C6: variants seen among roughly 807,000 people sequenced by gnomAD.
The protein encoded by C6 is complement component C6.
C6 carries 101 observed loss-of-function variants against 112.9 expected under a neutral mutation model. The ratio of observed to expected loss-of-function variants is 0.89; its 90% CI spans 0.76 to 1.06. The LOEUF is 1.06. Ranked by LOEUF, C6 falls within the 50% of genes least tolerant of loss-of-function variation. C6 has a pLI of 0.00. For missense variants in C6, 1,202 were observed against 1,104.6 expected, an observed-to-expected ratio of 1.09 and a Z score of -1.25; for synonymous variants, 431 against 384.1, an observed-to-expected ratio of 1.12 and a Z score of -1.43.
At chr5:41,204,900 A>C (rs1032472994) in intron 1 of C6, among the ~76,000 whole-genome samples, 2 of 151,838 alleles carry the variant, frequency 1.3e-5, no homozygotes, top group African/African-American at 4.8e-5. Flanking sequence ...CGATCTCCTG[A>C]CCTCGTGATC....
intron 8 of C6, among the ~76,000 whole-genome samples, chr5:41,176,165 A>G (rs997764197): frequency 1.3e-5 from 2 of 152,224 alleles, no homozygotes; most frequent in Non-Finnish European, 2.9e-5. Context: ...ATTGGCATGC[A>G]TCTTCCTCTT....
intron 5 of C6, among the ~76,000 whole-genome samples, chr5:41,191,124 T>C (rs1750170976): frequency 7.5e-6 from 1 of 133,374 alleles, no homozygotes; most frequent in Admixed American, 8.9e-5. Context: ...TGGAGTGCAG[T>C]GGCACGACCT....
intron 9 of C6, 96 bp downstream of exon 9, chr5:41,172,129 A>G: frequency 7.8e-7 from 1 of 1,280,398 alleles, no homozygotes; most frequent in Non-Finnish European, 1.1e-6. Context: ...AAATAAATGA[A>G]AAGCTAAAAA....
rs1338622481 is a variant in C6 at position 41,220,115 on chromosome 5, AC to A, written c.-20-16866del. Among the ~76,000 whole-genome samples the A allele has an allele frequency of 8.2e-4, 125 of 152,266 alleles. 3 individuals carry two copies. The highest frequency in any genetic ancestry group is 2.9e-4 in the Non-Finnish European group (20 of 68,006). The stretch of plus-strand genomic sequence containing the variant: ...AGTAACAAAATGTCAACATCTACTG[AC>A]CTGGGGTAGTGTGTAATACAAAGAC... On this transcript the variant is annotated intron_variant, in intron 1 of 17. Coordinates refer to the C6 transcript ENST00000263413.
intron 1 of C6, among the ~76,000 whole-genome samples, chr5:41,220,431 C>T (rs1158358871): frequency 6.6e-6 from 1 of 152,112 alleles, no homozygotes; most frequent in Non-Finnish European, 1.5e-5. Context: ...TTTAATCTTC[C>T]AGTATTCCCT....
At chr5:41,253,761 T>C (rs1281681410) in intron 1 of C6, among the ~76,000 whole-genome samples, 1 of 152,200 alleles carries the variant, frequency 6.6e-6, no homozygotes, top group Non-Finnish European at 1.5e-5. Flanking sequence ...ACATCAACAA[T>C]AAAGAAAGTG....
chr5:41,142,125 C>T lies in C6; in HGVS notation c.*700G>A, dbSNP rs1291448260. On this transcript the variant is annotated 3_prime_UTR_variant, in exon 18 of 18. Coordinates refer to ENST00000337836, the MANE Select transcript of C6 (RefSeq NM_000065.5). The stretch of plus-strand genomic sequence containing the variant: ...TTCCACTGGAGCTCAATCATCCTTA[C>T]AGCGATGTTTATTGTTATGGAATAT... 10 of 152,344 alleles carry T rather than the reference C, an allele frequency of 6.6e-5. No individual in the cohort carries two copies. The highest frequency in any genetic ancestry group is 1.3e-4 in the Non-Finnish European group (9 of 68,182). 9.4% of individuals were successfully genotyped at this position (152,344 alleles called of 1,614,324 possible). A position where few individuals can be genotyped will look rare whatever the true frequency, so the allele number is the denominator to read the frequency against.
At chr5:41,247,187 C>T (rs939287772) in intron 1 of C6, among the ~76,000 whole-genome samples, 6 of 151,770 alleles carry the variant, frequency 4.0e-5, no homozygotes, top group Non-Finnish European at 5.9e-5. Context: ...CTAGCCAGAA[C>T]AATCAGGCAA....
chr5:41,150,121 T>A, intron 15 of C6, 96 bp from the exon 16 acceptor site: 1 of 810,750 alleles, frequency 1.2e-6, no homozygotes, highest in Non-Finnish European at 2.2e-6. Context: ...AAAGGATTCA[T>A]ATTTATCTCT....
At chr5:41,183,117 G>A (rs1221753634) in intron 6 of C6, among the ~76,000 whole-genome samples, 1 of 152,126 alleles carries the variant, frequency 6.6e-6, no homozygotes, top group East Asian at 1.9e-4. Context: ...TCCTACCATG[G>A]CTGATTTCAA....
intron 1 of C6, among the ~76,000 whole-genome samples, chr5:41,233,067 G>T (rs1740008472): frequency 6.6e-6 from 1 of 151,844 alleles, no homozygotes; most frequent in South Asian, 2.1e-4. Context: ...GTGTATTACT[G>T]TATTTTCTGT....
chr5:41,203,009 G>T, intron 2 of C6, 79 bp downstream of exon 2: 2 of 1,316,766 alleles, frequency 1.5e-6, no homozygotes, highest in Non-Finnish European at 2.2e-6. Flanking sequence ...CCATTGCTTA[G>T]TGTTGCACTC....
intron 1 of C6, among the ~76,000 whole-genome samples, chr5:41,223,156 C>T (rs755576187): frequency 1.7e-4 from 26 of 152,062 alleles, no homozygotes; most frequent in Non-Finnish European, 3.5e-4. Context: ...ATGGTTTCTC[C>T]TATAACTAAC....
chr5:41,153,668 G>T, intron 15 of C6, 142 bp downstream of exon 15: 1 of 654,008 alleles, frequency 1.5e-6, no homozygotes. Context: ...CTATTGCATA[G>T]TTCCGGTTTG....
At position 41,148,747 on chromosome 5, in the gene C6, G is replaced by A. The variant is rs533537070; in HGVS notation, c.2623+494C>T. 2.0e-5 allele frequency among the ~76,000 whole-genome samples: 3 copies of A among 152,282 alleles called. No homozygotes were observed. In the South Asian group the frequency reaches 6.2e-4, roughly 32 times the overall value. ...CATGTGGGATGCTGTCTGGGCTCAG[G>A]GTGTCCTGCCTGAATAGTATTGTCA... is the stretch of plus-strand genomic sequence containing the variant. On this transcript the variant is annotated intron_variant, in intron 17 of 17. Transcript: ENST00000337836.
At chr5:41,200,042 A>T (rs1750893184) in intron 3 of C6, 130 bp from the exon 4 acceptor site, 1 of 803,938 alleles carries the variant, frequency 1.2e-6, no homozygotes, top group Admixed American at 2.1e-5. Context: ...TTTACTAATG[A>T]TTCTTCCAAT....
rs1751787285 is a variant in C6, at chr5:41,210,219, A to G, written c.-21+3157T>C. Among the ~76,000 whole-genome samples, 7 of 152,252 alleles carry G rather than the reference A, an allele frequency of 4.6e-5. No individual in the cohort carries two copies. In the South Asian group the frequency reaches 1.4e-3, roughly 31 times the overall value. On this transcript the variant is annotated intron_variant, in intron 1 of 17. Coordinates refer to ENST00000337836, the MANE Select transcript of C6 (RefSeq NM_000065.5). ...TGCACCTTATACAAAAATTAATTCA[A>G]GATGGATTAAAGACTTAAATGCTAG... is the stretch of plus-strand genomic sequence containing the variant.
rs1752067611 is a variant in C6 at position 41,213,461 on chromosome 5, T to C, written c.-106A>G. On this transcript the variant is annotated 5_prime_UTR_variant, in exon 1 of 18. Transcript: ENST00000337836. ...GTATGCAGAATGAAGAGGGTATATA[T>C]GTTAATCCAAACAAAGCTTCTTTTC... 2.0e-6 allele frequency: 2 copies of C among 985,394 alleles called. No individual in the cohort carries two copies. Among genetic ancestry groups the C allele is most frequent in the East Asian group, 1.1e-4 (1 of 8,816 alleles). 61.0% of individuals were successfully genotyped at this position (985,394 alleles called of 1,614,324 possible).
At chr5:41,171,752 A>G (rs1457300191) in intron 9 of C6, among the ~76,000 whole-genome samples, 2 of 152,138 alleles carry the variant, frequency 1.3e-5, no homozygotes, top group African/African-American at 4.8e-5. Flanking sequence ...GTCTTCAGCC[A>G]TTTTTAATGC....
Sources: allele counts gnomAD v4.1 joint callset (sites outside exome capture counted in the v4.1 genomes callset), GRCh38; gene constraint gnomAD v4.1.1; transcripts MANE v1.5; gene names NCBI Gene and HGNC (gene_info 2026-07-23, HGNC 2026-07-21).